Variants in MPP2 observed in about 807,000 individuals in gnomAD.
MPP2 encodes MAGUK p55 scaffold protein 2, also known as MAGUK p55 subfamily member 2.
A neutral mutation model predicts 58.5 loss-of-function variants in MPP2; 42 were observed. The ratio of observed to expected loss-of-function variants is 0.72; its 90% CI spans 0.56 to 0.93. MPP2 has a LOEUF of 0.93. Among genes scored for constraint, MPP2 ranks in the 40% least tolerant of loss-of-function variants. The pLI is 0.00. For missense variants in MPP2, 632 were observed against 760.4 expected, an observed-to-expected ratio of 0.83 and a Z score of 1.99; for synonymous variants, 300 against 307.8, an observed-to-expected ratio of 0.97 and a Z score of 0.26.
Position 43,879,710 on chromosome 17 carries a change from G to A in MPP2, c.1353+72C>T. On this transcript the variant is annotated intron_variant, in intron 11 of 12. Transcript: ENST00000269095. This position sits in a 1 kb window ranked among gnomAD's most constrained non-coding sequence, Gnocchi z 4.1. Reference sequence around the variant, plus strand: ...GGCGTGTTCAGGTGACAGGTGTCTGGAACTATATGGGGGAGCAATGAGGCA... The same window carrying A: ...GGCGTGTTCAGGTGACAGGTGTCTGAAACTATATGGGGGAGCAATGAGGCA... The A allele has an allele frequency of 6.5e-7, 1 of 1,542,866 alleles. No individual in the cohort carries two copies. The highest frequency in any genetic ancestry group is 2.3e-5 in the East Asian group (1 of 43,766).
At chr17:43,882,661 C>G in intron 5 of MPP2, 150 bp from the exon 6 acceptor site, 1 of 832,034 alleles carries the variant, frequency 1.2e-6, no homozygotes, top group South Asian at 1.7e-5. Context: ...AAATTCTTCA[C>G]TTACAGCAGG....
chr17:43,883,958 C>A, intron 3 of MPP2: 1 of 607,784 alleles, frequency 1.6e-6, no homozygotes, highest in South Asian at 2.1e-5. Flanking sequence ...CAGTGACCAG[C>A]CCAGTGGGGA....
chr17:43,901,674 G>T, intron 2 of MPP2: 2 of 804,186 alleles, frequency 2.5e-6, no homozygotes, highest in Non-Finnish European at 3.0e-6. Context: ...ACATATCCCA[G>T]CCTTGATCCA....
chr17:43,884,042 G>T, intron 3 of MPP2: 1 of 693,928 alleles, frequency 1.4e-6, no homozygotes, highest in South Asian at 1.5e-5. Context: ...TTTCCCCTCT[G>T]AATCTTTGAA....
chr17:43,898,056 A>C (rs1477396103), intron 3 of MPP2, among the ~76,000 whole-genome samples: 1 of 152,088 alleles, frequency 6.6e-6, no homozygotes, highest in Non-Finnish European at 1.5e-5. Flanking sequence ...CCACCCACGC[A>C]CTCACCAGAC....
intron 2 of MPP2, chr17:43,901,508 C>A: frequency 1.0e-6 from 1 of 985,480 alleles, no homozygotes; most frequent in Non-Finnish European, 1.2e-6. Context: ...CAAGAGGCCA[C>A]CATCAGGGTA....
intron 3 of MPP2, among the ~76,000 whole-genome samples, chr17:43,894,444 T>TAC (rs201714611): frequency 7.4e-5 from 6 of 81,268 alleles, no homozygotes; most frequent in African/African-American, 1.7e-4. Context: ...TATATATATA[T>TAC]ACACACACAC....
At chr17:43,882,772 C>T (rs2047195271) in intron 5 of MPP2, 131 bp downstream of exon 5, 6 of 1,365,378 alleles carry the variant, frequency 4.4e-6, no homozygotes, top group South Asian at 2.5e-5. Context: ...TTTGCTGCAT[C>T]AATCCTTCCC....
chr17:43,880,655 T>G lies in MPP2; in HGVS notation c.1150+36A>C, dbSNP rs1173273901. On this transcript the variant is annotated intron_variant, in intron 10 of 12. Coordinates refer to ENST00000269095, the MANE Select transcript of MPP2 (RefSeq NM_005374.5). The surrounding 1 kb of genome is among the most constrained non-coding windows in gnomAD (Gnocchi z 5.2). ...CCTGGCCCCAGGGGAGCCCTGCTCCTTGTCCCCAACTCAGCAGGGCCCAGC... is the reference window on the plus strand; with the variant it reads ...CCTGGCCCCAGGGGAGCCCTGCTCCGTGTCCCCAACTCAGCAGGGCCCAGC... The G allele has an allele frequency of 6.4e-7, 1 of 1,566,510 alleles. No homozygotes were observed. Among genetic ancestry groups the G allele is most frequent in the African/African-American group, 1.4e-5 (1 of 73,724 alleles).
intron 1 of MPP2, among the ~76,000 whole-genome samples, chr17:43,906,932 C>T (rs939123795): frequency 2.4e-4 from 36 of 151,474 alleles, no homozygotes; most frequent in African/African-American, 7.0e-4. Flanking sequence ...TCCCAAGTCT[C>T]CAGACCCTAA....
intron 6 of MPP2, among the ~76,000 whole-genome samples, chr17:43,882,001 G>T (rs2047148809): frequency 6.6e-6 from 1 of 152,204 alleles, no homozygotes; most frequent in South Asian, 2.1e-4. Flanking sequence ...CTGCGCACGC[G>T]CACAAACGTG....
Position 43,877,946 on chromosome 17 carries a change from C to T in MPP2, c.1520G>A (p.Arg507His), listed in dbSNP as rs138884801. 30 of 1,613,728 alleles carry T rather than the reference C, an allele frequency of 1.9e-5. No individual in the cohort carries two copies. The African/African-American group carries it at 2.0e-4, about 11-fold the overall frequency. Residue 507 changes from arginine (R) to histidine (H), a missense_variant, in exon 13 of 13, where the codon CGC (arginine) becomes CAC (histidine). Transcript: ENST00000269095. ...GTAGTGCCCGTAGCCCCGCTGGATG[C>T]GGCTGCTCTCCTCCACTGTCCGTCT... ...DLRRTVEESS[R>H]IQRGYGHYFD...
chr17:43,884,012 T>A (rs1293669984), intron 3 of MPP2: 1 of 678,346 alleles, frequency 1.5e-6, no homozygotes, highest in Non-Finnish European at 2.7e-6. Context: ...TCCATTTCAA[T>A]AATATATATG....
At chr17:43,895,372 A>G (rs774923127) in intron 3 of MPP2, among the ~76,000 whole-genome samples, 10 of 152,206 alleles carry the variant, frequency 6.6e-5, no homozygotes, top group Non-Finnish European at 1.5e-4. Flanking sequence ...TTGGTCTCCC[A>G]AAGTGCTGGG....
chr17:43,882,175 T>C, intron 6 of MPP2, 109 bp downstream of exon 6: 1 of 1,090,366 alleles, frequency 9.2e-7, no homozygotes, highest in Non-Finnish European at 1.3e-6. Context: ...CCCACCCCCA[T>C]CTTCCCTGGA....
Position 43,883,292 on chromosome 17 carries a change from G to A in MPP2, c.214C>T (p.Gln72Ter), listed in dbSNP as rs1343552459. 1 of 1,613,146 alleles carries A rather than the reference G, an allele frequency of 6.2e-7. No individual in the cohort carries two copies. Among genetic ancestry groups the A allele is most frequent in the South Asian group, 1.1e-5 (1 of 90,922 alleles). ...AVRDNNLELV[Q>*]EILRDLAQLA... ...TGCGCCAGGTCCCGCAGGATCTCCT[G>A]CACCAGCTCCAGGTTGTTGTCTCTC... is the stretch of plus-strand genomic sequence containing the variant. The change falls in exon 4 of 13, where the codon CAG becomes TAG. Residue 72 changes from glutamine (Q) to a stop codon, truncating the protein, a stop_gained. Coordinates refer to ENST00000269095, the MANE Select transcript of MPP2 (RefSeq NM_005374.5). LOFTEE classifies it high-confidence loss of function.
rs1389718393 is a variant in MPP2 at position 43,898,204 on chromosome 17, C to A, written c.150+58G>T. The A allele has an allele frequency of 3.1e-6, 4 of 1,294,006 alleles. No homozygotes were observed. The Admixed American group carries it at 6.7e-5, about 22-fold the overall frequency. 80.2% of individuals were successfully genotyped at this position (1,294,006 alleles called of 1,614,324 possible). A position where few individuals can be genotyped will look rare whatever the true frequency, so the allele number is the denominator to read the frequency against. On this transcript the variant is annotated intron_variant, in intron 3 of 12. Transcript: ENST00000269095. ...AGCCCTCTGTAGCTAATACCCCATC[C>A]CCTACTGTGCCTCCCCAAGCACAGT...
intron 12 of MPP2, among the ~76,000 whole-genome samples, chr17:43,878,694 G>A (rs2046959301): frequency 6.6e-6 from 1 of 152,196 alleles, no homozygotes; most frequent in African/African-American, 2.4e-5. Flanking sequence ...CCGGAATGCT[G>A]CAGCACCAGG....
rs374083746 is a variant in MPP2 at position 43,876,056 on chromosome 17, G to C, written c.*1751C>G. On this transcript the variant is annotated 3_prime_UTR_variant, in exon 13 of 13. Transcript: ENST00000269095. ...GCAGGAGAATGAGTGTGTAGTATAC[G>C]CAGAGCCACACCAACGAGATGGGGG... The C allele has an allele frequency of 2.6e-4, 39 of 152,644 alleles. No individual in the cohort carries two copies. The highest frequency in any genetic ancestry group is 8.2e-4 in the African/African-American group (34 of 41,562). The allele number at this position is 152,644 out of a possible 1,614,324, so 9.5% of individuals were successfully genotyped here.
Sources: gnomAD v4.1 joint callset for allele counts (sites outside exome capture counted in the v4.1 genomes callset) on GRCh38, gnomAD v4.1.1 for gene constraint, Gnocchi (gnomAD v3.1) non-coding constraint, MANE v1.5 for transcripts, NCBI Gene and HGNC (gene_info 2026-07-23, HGNC 2026-07-21) for gene names.